ZFPM2: variants seen among roughly 807,000 people sequenced by gnomAD.
ZFPM2 encodes the protein zinc finger protein, FOG family member 2, also known as zinc finger protein ZFPM2.
ZFPM2 carries 20 observed loss-of-function variants against 98.6 expected under a neutral mutation model. The ratio of observed to expected loss-of-function variants is 0.20; its 90% CI spans 0.14 to 0.29. The LOEUF is 0.29. ZFPM2 is among the 10% of genes least tolerant of loss of function. The pLI, the probability that ZFPM2 is intolerant of heterozygous loss-of-function variation, is 1.00. For synonymous variants in ZFPM2, 518 were observed against 502.7 expected (o/e 1.03, Z -0.41); for missense variants, 1,310 against 1,388.6 (o/e 0.94, Z 0.90).
intron 3 of ZFPM2, among the ~76,000 whole-genome samples, chr8:105,461,086 C>T (rs537401191): frequency 1.2e-4 from 18 of 151,936 alleles, no homozygotes; most frequent in African/African-American, 3.6e-4. Context: ...AATAGCTTTA[C>T]GGCCTAGAAA....
chr8:105,598,212 G>A (rs564145591), intron 4 of ZFPM2, among the ~76,000 whole-genome samples: 17 of 152,046 alleles, frequency 1.1e-4, no homozygotes, highest in Middle Eastern at 3.4e-3. Flanking sequence ...GCTTGCTTGC[G>A]CGGAGTCCAG....
At chr8:105,343,271 T>C (rs1254252789) in intron 1 of ZFPM2, among the ~76,000 whole-genome samples, 1 of 152,136 alleles carries the variant, frequency 6.6e-6, no homozygotes, top group African/African-American at 2.4e-5. Flanking sequence ...CCAGAACCAT[T>C]CTGCAATGTT....
chr8:105,696,322 T>C (rs1293212089), intron 5 of ZFPM2, among the ~76,000 whole-genome samples: 3 of 152,180 alleles, frequency 2.0e-5, no homozygotes, highest in Non-Finnish European at 2.9e-5. Flanking sequence ...CACTTACCCT[T>C]ATATGATCGT....
At chr8:105,555,924 A>C (rs1331666891) in intron 3 of ZFPM2, among the ~76,000 whole-genome samples, 3 of 152,156 alleles carry the variant, frequency 2.0e-5, no homozygotes, top group African/African-American at 7.2e-5. Context: ...TGGAAGGAGA[A>C]GAAGGCTTTT....
intron 7 of ZFPM2, 91 bp downstream of exon 7, chr8:105,799,039 C>A: frequency 8.9e-7 from 1 of 1,121,248 alleles, no homozygotes; most frequent in South Asian, 1.6e-5. Context: ...CTATATCTGT[C>A]TATCTGTAGC....
intron 3 of ZFPM2, among the ~76,000 whole-genome samples, chr8:105,530,236 A>G (rs907333962): frequency 6.6e-6 from 1 of 152,106 alleles, no homozygotes; most frequent in Non-Finnish European, 1.5e-5. Flanking sequence ...TTGTTATCCC[A>G]TAGAACCAGC....
At chr8:105,392,873 C>T (rs1586339531) in intron 1 of ZFPM2, among the ~76,000 whole-genome samples, 2 of 152,174 alleles carry the variant, frequency 1.3e-5, no homozygotes, top group Non-Finnish European at 1.5e-5. Flanking sequence ...CAGTTCTTTT[C>T]GTGCTTATAG....
chr8:105,746,233 G>A (rs527914630), intron 5 of ZFPM2, among the ~76,000 whole-genome samples: 75 of 151,848 alleles, frequency 4.9e-4, no homozygotes, highest in Non-Finnish European at 1.0e-3. Context: ...TATCTAGTGT[G>A]TCAAATAGAG....
At chr8:105,402,878 G>A (rs1811368819) in intron 1 of ZFPM2, among the ~76,000 whole-genome samples, 2 of 152,008 alleles carry the variant, frequency 1.3e-5, no homozygotes, top group Non-Finnish European at 1.5e-5. Context: ...GTTTCTGAGA[G>A]CCAGAAGATT....
chr8:105,592,174 C>G (rs531914242), intron 4 of ZFPM2, among the ~76,000 whole-genome samples: 1 of 152,124 alleles, frequency 6.6e-6, no homozygotes, highest in East Asian at 1.9e-4. Context: ...GCAAAACTAT[C>G]AAAAGGTCAG....
At chr8:105,730,106 A>G (rs544024905) in intron 5 of ZFPM2, among the ~76,000 whole-genome samples, 1 of 151,702 alleles carries the variant, frequency 6.6e-6, no homozygotes, top group African/African-American at 2.4e-5. Flanking sequence ...AGAATAGAGA[A>G]GTGTCAAGAA....
rs532663700 is a variant in ZFPM2 at position 105,573,824 on chromosome 8, C to T, written c.420+12343C>T. On this transcript the variant is annotated intron_variant, in intron 4 of 7. Transcript: ENST00000407775. ...GGGAGAGAAAGTATGGGAAAGAGCC[C>T]GTGATGGGGTCAGAACAGCCTGATT... is the stretch of plus-strand genomic sequence containing the variant. Among the ~76,000 whole-genome samples, 6 of 152,064 alleles carry T rather than the reference C, an allele frequency of 3.9e-5. No homozygotes were observed. In the South Asian group the frequency reaches 1.0e-3, roughly 26 times the overall value.
At chr8:105,532,996 C>A (rs1814328754) in intron 3 of ZFPM2, among the ~76,000 whole-genome samples, 1 of 152,040 alleles carries the variant, frequency 6.6e-6, no homozygotes, top group Non-Finnish European at 1.5e-5. Flanking sequence ...CTTTTTATAT[C>A]ATAAATTCTC....
intron 1 of ZFPM2, among the ~76,000 whole-genome samples, chr8:105,321,958 A>T (rs1372551879): frequency 6.6e-6 from 1 of 152,158 alleles, no homozygotes; most frequent in Non-Finnish European, 1.5e-5. Context: ...TAATACAGTG[A>T]TAAATTATGT....
intron 4 of ZFPM2, among the ~76,000 whole-genome samples, chr8:105,573,466 A>G (rs1002855668): frequency 6.6e-6 from 1 of 152,240 alleles, no homozygotes; most frequent in Non-Finnish European, 1.5e-5. Flanking sequence ...TCACAAAAGA[A>G]AATTCAGTGA....
chr8:105,507,176 A>G (rs1813720480), intron 3 of ZFPM2, among the ~76,000 whole-genome samples: 1 of 152,176 alleles, frequency 6.6e-6, no homozygotes, highest in South Asian at 2.1e-4. Context: ...TCCTGAATAC[A>G]GTTATCTAAG....
intron 3 of ZFPM2, among the ~76,000 whole-genome samples, chr8:105,548,249 C>G (rs907927209): frequency 6.6e-6 from 1 of 151,884 alleles, no homozygotes; most frequent in African/African-American, 2.4e-5. Flanking sequence ...TTTCAGGATC[C>G]TTATATTAAT....
chr8:105,698,834 A>C (rs929434543), intron 5 of ZFPM2, among the ~76,000 whole-genome samples: 1 of 152,196 alleles, frequency 6.6e-6, no homozygotes, highest in African/African-American at 2.4e-5. Flanking sequence ...GATTACCTGC[A>C]TACTGATATT....
intron 1 of ZFPM2, among the ~76,000 whole-genome samples, chr8:105,402,886 A>G (rs1381873929): frequency 6.6e-6 from 1 of 152,022 alleles, no homozygotes; most frequent in Non-Finnish European, 1.5e-5. Context: ...GAGCCAGAAG[A>G]TTGGAGACTG....
Sources: gnomAD v4.1 joint callset for allele counts (sites outside exome capture counted in the v4.1 genomes callset) on GRCh38, gnomAD v4.1.1 for gene constraint, MANE v1.5 for transcripts, NCBI Gene and HGNC (gene_info 2026-07-23, HGNC 2026-07-21) for gene names.